The following LRP1B variants were observed in gnomAD, a reference collection of about 807,000 sequenced individuals.
LRP1B encodes low-density lipoprotein receptor-related protein 1B.
In LRP1B, 217 loss-of-function variants were observed where a neutral mutation model predicts 556.6. That is an observed-to-expected ratio of 0.39 (90% CI 0.35 to 0.44). LRP1B has a LOEUF of 0.44. Ranked by LOEUF, LRP1B falls within the 20% of genes least tolerant of loss-of-function variation. The pLI is 1.00. For synonymous variants in LRP1B, 2,047 were observed against 1,865.8 expected, an observed-to-expected ratio of 1.10 and a Z score of -2.50; for missense variants, 5,053 against 5,620.8, an observed-to-expected ratio of 0.90 and a Z score of 3.23.
intron 3 of LRP1B, among the ~76,000 whole-genome samples, chr2:141,437,537 C>A (rs1252757293): frequency 6.6e-6 from 1 of 151,922 alleles, no homozygotes; most frequent in Non-Finnish European, 1.5e-5. Context: ...AATACAAATA[C>A]AAAGTATATA....
At chr2:140,622,940 C>G (rs970450593) in intron 41 of LRP1B, among the ~76,000 whole-genome samples, 1 of 141,710 alleles carries the variant, frequency 7.1e-6, no homozygotes, top group African/African-American at 2.5e-5. Context: ...CAAAATGCTT[C>G]TATTCTGATT....
At chr2:140,659,109 T>TG (rs1289935982) in intron 41 of LRP1B, among the ~76,000 whole-genome samples, 30 of 133,774 alleles carry the variant, frequency 2.2e-4, no homozygotes, top group Admixed American at 4.4e-4. Flanking sequence ...TTTTTTTTTT[T>TG]TTTTTTTTTT....
chr2:141,350,608 T>C (rs1263977384), intron 3 of LRP1B, among the ~76,000 whole-genome samples: 1 of 152,096 alleles, frequency 6.6e-6, no homozygotes, highest in Non-Finnish European at 1.5e-5. Context: ...AAACCTACAA[T>C]TTAAACATTA....
At chr2:142,115,664 T>TATATA (rs375253981) in intron 1 of LRP1B, among the ~76,000 whole-genome samples, 1,294 of 8,560 alleles carry the variant, frequency 0.15, 569 homozygotes, top group South Asian at 0.51. Context: ...ATATGTAATA[T>TATATA]ATATATGTAA....
At chr2:140,513,720 G>C (rs1173352404) in intron 51 of LRP1B, among the ~76,000 whole-genome samples, 1 of 151,938 alleles carries the variant, frequency 6.6e-6, no homozygotes, top group Non-Finnish European at 1.5e-5. Flanking sequence ...GTTTGTGACA[G>C]AAATAGCAGT....
rs781239969 is a variant in LRP1B at position 141,188,447 on chromosome 2, T to C, written c.987A>G (p.Lys329=). The C allele has an allele frequency of 1.2e-6, 2 of 1,612,468 alleles. No individual in the cohort carries two copies. The highest frequency in any genetic ancestry group is 1.7e-6 in the Non-Finnish European group (2 of 1,179,078). Reference sequence around the variant, plus strand: ...CTGCTATTGGATCTACTGCTATTGCTTTAGGATTGTGAAGCTCCAGATCAA... The same window carrying C: ...CTGCTATTGGATCTACTGCTATTGCCTTAGGATTGTGAAGCTCCAGATCAA... ...TLIDLELHNP[K]AIAVDPIAGK... Residue 329 remains lysine, a synonymous_variant, in exon 7 of 91, where the codon AAA becomes AAG. Coordinates refer to ENST00000389484, the MANE Select transcript of LRP1B (RefSeq NM_018557.3).
chr2:141,880,505 T>C (rs960300535), intron 1 of LRP1B, among the ~76,000 whole-genome samples: 7 of 151,866 alleles, frequency 4.6e-5, no homozygotes, highest in African/African-American at 1.7e-4. Context: ...AAAAAACTAA[T>C]AATAATGTAA....
intron 3 of LRP1B, among the ~76,000 whole-genome samples, chr2:141,381,993 C>T (rs1167892987): frequency 6.6e-5 from 10 of 150,886 alleles, no homozygotes; most frequent in Admixed American, 6.6e-4. Flanking sequence ...TGTAGACAGA[C>T]ACACAGTTAG....
At chr2:140,484,613 A>G (rs76671257) in intron 59 of LRP1B, among the ~76,000 whole-genome samples, 6,134 of 152,292 alleles carry the variant, frequency 0.04, 173 homozygotes, top group Non-Finnish European at 0.047. Flanking sequence ...TCTAAATTAC[A>G]GTGCAAAAAG....
At chr2:141,804,159 G>A (rs954060583) in intron 2 of LRP1B, among the ~76,000 whole-genome samples, 2 of 152,038 alleles carry the variant, frequency 1.3e-5, no homozygotes, top group African/African-American at 4.8e-5. Context: ...AAATTAGGTA[G>A]CCTGAAGGAT....
chr2:141,826,441 G>C (rs889645751), intron 1 of LRP1B, among the ~76,000 whole-genome samples: 4 of 136,686 alleles, frequency 2.9e-5, no homozygotes, highest in Non-Finnish European at 4.6e-5. Flanking sequence ...CTCACTGCAA[G>C]CTCCGCCTCC....
chr2:141,279,970 T>A (rs1216253363), intron 3 of LRP1B, among the ~76,000 whole-genome samples: 1 of 152,074 alleles, frequency 6.6e-6, no homozygotes, highest in African/African-American at 2.4e-5. Flanking sequence ...AGACTGTGGG[T>A]CCCTTATCTC....
intron 43 of LRP1B, among the ~76,000 whole-genome samples, chr2:140,548,155 T>G (rs773235988): frequency 6.6e-6 from 1 of 152,154 alleles, no homozygotes; most frequent in Non-Finnish European, 1.5e-5. Flanking sequence ...AGGCAAGTAT[T>G]ATTGCAAATT....
intron 7 of LRP1B, among the ~76,000 whole-genome samples, chr2:141,169,800 C>CAAAAAAAA: frequency 1.1e-5 from 1 of 87,386 alleles, no homozygotes; most frequent in African/African-American, 4.1e-5. Context: ...ACACCTTAAC[C>CAAAAAAAA]AAAAAAAAAA....
chr2:142,119,120 TA>T (rs1264272535), intron 1 of LRP1B, among the ~76,000 whole-genome samples: 5 of 152,206 alleles, frequency 3.3e-5, no homozygotes, highest in African/African-American at 1.2e-4. Context: ...TAGGCATTTC[TA>T]AAATTTTAAA....
chr2:141,735,257 G>T (rs1693420967), intron 2 of LRP1B, among the ~76,000 whole-genome samples: 1 of 151,768 alleles, frequency 6.6e-6, no homozygotes, highest in Non-Finnish European at 1.5e-5. Context: ...AGAAGAAGGG[G>T]TGTGGAAAGG....
intron 2 of LRP1B, among the ~76,000 whole-genome samples, chr2:141,515,418 A>G (rs1241139267): frequency 6.6e-6 from 1 of 152,230 alleles, no homozygotes; most frequent in African/African-American, 2.4e-5. Context: ...CACTCTCCAT[A>G]GAAAAATATC....
At chr2:141,825,009 C>T (rs778593163) in intron 1 of LRP1B, among the ~76,000 whole-genome samples, 1 of 152,230 alleles carries the variant, frequency 6.6e-6, no homozygotes, top group South Asian at 2.1e-4. Context: ...CTCCTGCCAC[C>T]TTGTGAAGAA....
At chr2:140,474,364 C>T (rs564860200) in intron 60 of LRP1B, among the ~76,000 whole-genome samples, 2 of 151,800 alleles carry the variant, frequency 1.3e-5, no homozygotes, top group Non-Finnish European at 2.9e-5. Context: ...AGCTTAATGC[C>T]AGAGAAGGAA....
Sources: gnomAD v4.1 joint callset for allele counts (sites outside exome capture counted in the v4.1 genomes callset) on GRCh38, gnomAD v4.1.1 for gene constraint, MANE v1.5 for transcripts, NCBI Gene and HGNC (gene_info 2026-07-23, HGNC 2026-07-21) for gene names.